The following FBXL8 variants were observed in gnomAD, a reference collection of about 807,000 sequenced individuals.
FBXL8 encodes F-box and leucine rich repeat protein 8.
In FBXL8, 13 loss-of-function variants were observed where a neutral mutation model predicts 8.2. The observed-to-expected ratio is 1.58, with a 90% CI of 1.03 to 2.51. FBXL8 has a LOEUF of 2.51. FBXL8 is among the 30% of genes most tolerant of loss of function. The probability of loss-of-function intolerance (pLI) is 0.00; values close to 1 mark genes in which losing one functional copy is unlikely to be tolerated. For synonymous variants in FBXL8, 271 were observed against 260.5 expected, an observed-to-expected ratio of 1.04 and a Z score of -0.39; for missense variants, 565 against 540.4, an observed-to-expected ratio of 1.05 and a Z score of -0.45.
rs774618366 is a variant in FBXL8, at chr16:67,163,789, C to T, written c.1094C>T (p.Pro365Leu). ...RTYTLKLTREPHPWRPTLVA is the reference protein window; with the variant it reads ...RTYTLKLTRELHPWRPTLVA ...TATACCCTCAAGCTCACGCGCGAGC[C>T]GCATCCCTGGAGGCCTACGCTCGTG... The change falls in exon 3 of 3, where the codon CCG (proline) becomes CTG (leucine). Residue 365 changes from proline (P) to leucine (L), a missense_variant. By Grantham distance (98) the Pro-to-Leu change is moderately conservative. Coordinates refer to ENST00000258200, the MANE Select transcript of FBXL8 (RefSeq NM_018378.3). 2.6e-6 allele frequency: 4 copies of T among 1,567,380 alleles called. No homozygotes were observed. Among genetic ancestry groups the T allele is most frequent in the Middle Eastern group, 1.7e-4 (1 of 5,854 alleles).
rs2031029942 is a variant in FBXL8 at position 67,163,679 on chromosome 16, G to A, written c.984G>A (p.Ala328=). 1.3e-6 allele frequency: 2 copies of A among 1,581,274 alleles called. No homozygotes were observed. Among genetic ancestry groups the A allele is most frequent in the South Asian group, 2.2e-5 (2 of 89,102 alleles). Residue 328 remains alanine, a synonymous_variant, in exon 3 of 3, where the codon GCG becomes GCA. Transcript: ENST00000258200. Reference sequence around the variant, plus strand: ...TGGAGGAGCTGGCGGCGCGCTGCGCGGCCCTGCGCGAGGTGCATTGTTTCT... The same window carrying A: ...TGGAGGAGCTGGCGGCGCGCTGCGCAGCCCTGCGCGAGGTGCATTGTTTCT... ...AALEELAARC[A]ALREVHCFCV...
Position 67,163,165 on chromosome 16 carries a change from C to T in FBXL8, c.470C>T (p.Ala157Val). Residue 157 changes from alanine (A) to valine (V), a missense_variant, in exon 3 of 3, where the codon GCG becomes GTG. Coordinates refer to ENST00000258200, the MANE Select transcript of FBXL8 (RefSeq NM_018378.3). ...CTGGACGACGCGCTGGTGCTGCAGG[C>T]GGCGCGCAGCTGTCCCGAGCTCCAC... ...FTLDDALVLQ[A>V]ARSCPELHSL... 6.4e-7 allele frequency: 1 copy of T among 1,563,522 alleles called. No homozygotes were observed.
At position 67,163,863 on chromosome 16, in the gene FBXL8, TGA is replaced by T; in HGVS notation, c.*47_*48del. ...CCCGTCCCCGTGGACGTAAGCGCTCTGAGAGGGAACGGGGGGGGTGTCCAGGC... is the reference window on the plus strand; with the variant it reads ...CCCGTCCCCGTGGACGTAAGCGCTCTGAGGGAACGGGGGGGGTGTCCAGGC... On this transcript the variant is annotated 3_prime_UTR_variant, in exon 3 of 3. Coordinates refer to ENST00000258200, the MANE Select transcript of FBXL8 (RefSeq NM_018378.3). 7.0e-7 allele frequency: 1 copy of T among 1,429,542 alleles called. No individual in the cohort carries two copies. Among genetic ancestry groups the T allele is most frequent in the Non-Finnish European group, 9.0e-7 (1 of 1,106,006 alleles). The allele number at this position is 1,429,542 out of a possible 1,614,324, so 88.6% of individuals were successfully genotyped here. A position where few individuals can be genotyped will look rare whatever the true frequency, so the allele number is the denominator to read the frequency against.
chr16:67,163,303 T>A lies in FBXL8; in HGVS notation c.608T>A (p.Leu203Ter), dbSNP rs1435556857. The A allele has an allele frequency of 1.3e-6, 2 of 1,576,406 alleles. No individual in the cohort carries two copies. Among genetic ancestry groups the A allele is most frequent in the Non-Finnish European group, 1.7e-6 (2 of 1,163,582 alleles). ...GCTCTCGGCCTGCACCTAGCCAGTT[T>A]GTCGCACGCCATCCTCGAAGCACTG... is the stretch of plus-strand genomic sequence containing the variant. ...LRALGLHLAS[L>*]SHAILEALAA... Residue 203 changes from leucine to a stop codon, truncating the protein, a stop_gained, in exon 3 of 3, where the codon TTG (leucine) becomes TAG (stop). Coordinates refer to ENST00000258200, the MANE Select transcript of FBXL8 (RefSeq NM_018378.3). LOFTEE classifies it low-confidence loss of function (END_TRUNC).
Position 67,163,025 on chromosome 16 carries a change from C to T in FBXL8, c.330C>T (p.Cys110=). The stretch of plus-strand genomic sequence containing the variant: ...GGCTGCGAGGCCTGCGCCTGGAGTG[C>T]CGCGGAGAAAAACCGCTCTTCGACG... ...APGLRGLRLE[C]RGEKPLFDAG... Residue 110 remains cysteine, a synonymous_variant, in exon 3 of 3, where the codon TGC becomes TGT. Transcript: ENST00000258200. 6.4e-7 allele frequency: 1 copy of T among 1,558,002 alleles called. No individual in the cohort carries two copies. Among genetic ancestry groups the T allele is most frequent in the Non-Finnish European group, 8.7e-7 (1 of 1,150,878 alleles).
rs1260641381 is a variant in FBXL8, at chr16:67,162,966, G to T, written c.271G>T (p.Glu91Ter). 1 of 1,561,504 alleles carries T rather than the reference G, an allele frequency of 6.4e-7. No homozygotes were observed. Among genetic ancestry groups the T allele is most frequent in the Non-Finnish European group, 8.7e-7 (1 of 1,152,702 alleles). Residue 91 changes from glutamate (E) to a stop codon, truncating the protein, a stop_gained, in exon 3 of 3, where the codon GAG (glutamate) becomes TAG (stop). Transcript: ENST00000258200. LOFTEE classifies it low-confidence loss of function (END_TRUNC). ...GAAGCCGAGCCGCCGGGCGGCCATCGAGCTGCTGATGGTTCTGGCGGGCCG... is the reference window on the plus strand; with the variant it reads ...GAAGCCGAGCCGCCGGGCGGCCATCTAGCTGCTGATGGTTCTGGCGGGCCG... Reference protein sequence around the residue: ...SRKPSRRAAIELLMVLAGRAP... With the variant: ...SRKPSRRAAI
rs932651101 is a variant in FBXL8 at position 67,161,943 on chromosome 16, C to T, written c.152+6C>T. ...TGGCACGACACAAAAATCAGGTGAG[C>T]CTGCTCCTCCACACTCCTCTCCCCA... On this transcript the variant is annotated splice_donor_region_variant and intron_variant, in intron 2 of 2. Coordinates refer to ENST00000258200, the MANE Select transcript of FBXL8 (RefSeq NM_018378.3). 7 of 1,600,078 alleles carry T rather than the reference C, an allele frequency of 4.4e-6. No homozygotes were observed. In the South Asian group the frequency reaches 7.8e-5, roughly 18 times the overall value.
chr16:67,162,622 C>A (rs1332142110), intron 2 of FBXL8: 3 of 721,926 alleles, frequency 4.2e-6, no homozygotes, highest in East Asian at 5.4e-5. Flanking sequence ...ATATCATTGG[C>A]TCTCCATGTC....
Position 67,163,920 on chromosome 16 carries a change from G to A in FBXL8, c.*100G>A, listed in dbSNP as rs2031050809. On this transcript the variant is annotated 3_prime_UTR_variant, in exon 3 of 3. Coordinates refer to ENST00000258200, the MANE Select transcript of FBXL8 (RefSeq NM_018378.3). Reference sequence around the variant, plus strand: ...CCCGAGTGCTAGTGCCTTCTTTTGGGATTGTTGCCCCCCGGGTCTTTACCG... The same window carrying A: ...CCCGAGTGCTAGTGCCTTCTTTTGGAATTGTTGCCCCCCGGGTCTTTACCG... The A allele has an allele frequency of 3.3e-6, 5 of 1,498,710 alleles. No homozygotes were observed. Among genetic ancestry groups the A allele is most frequent in the African/African-American group, 1.4e-5 (1 of 71,818 alleles). 92.8% of individuals were successfully genotyped at this position (1,498,710 alleles called of 1,614,324 possible).
At position 67,163,573 on chromosome 16, in the gene FBXL8, G is replaced by A; in HGVS notation, c.878G>A (p.Arg293His). 4 of 1,580,824 alleles carry A rather than the reference G, an allele frequency of 2.5e-6. No homozygotes were observed. Among genetic ancestry groups the A allele is most frequent in the East Asian group, 2.3e-5 (1 of 43,118 alleles). The stretch of plus-strand genomic sequence containing the variant: ...TCAGGCGACACCGTAGGCCCAGTGC[G>A]CTTCGCAGCACACCACTACGCCGCA... Reference protein sequence around the residue: ...NLSGDTVGPVRFAAHHYAATL... With the variant: ...NLSGDTVGPVHFAAHHYAATL... The change falls in exon 3 of 3, where the codon CGC (arginine) becomes CAC (histidine). Residue 293 changes from arginine to histidine, a missense_variant. Arg to His is a conservative substitution (Grantham distance 29). Transcript: ENST00000258200.
Position 67,163,741 on chromosome 16 carries a change from C to T in FBXL8, c.1046C>T (p.Ala349Val), listed in dbSNP as rs752690771. 1 of 1,592,016 alleles carries T rather than the reference C, an allele frequency of 6.3e-7. No individual in the cohort carries two copies. The highest frequency in any genetic ancestry group is 1.4e-5 in the African/African-American group (1 of 73,918). Residue 349 changes from alanine (A) to valine (V), a missense_variant, in exon 3 of 3, where the codon GCG becomes GTG. Physicochemically the swap from Ala to Val is moderately conservative, Grantham distance 64. Coordinates refer to ENST00000258200, the MANE Select transcript of FBXL8 (RefSeq NM_018378.3). ...VSHSVLDAFR[A>V]HCPRLRTYTL... is the part of the protein sequence containing the mutation. ...CACTCGGTGCTGGACGCCTTCCGCG[C>T]GCACTGCCCGCGCCTGCGCACCTAT... is the stretch of plus-strand genomic sequence containing the variant.
Position 67,161,841 on chromosome 16 carries a change from ACCTGTC to A in FBXL8, c.61_66del (p.Ser21_Leu22del). On this transcript the variant is annotated inframe_deletion, in exon 2 of 3. Coordinates refer to ENST00000258200, the MANE Select transcript of FBXL8 (RefSeq NM_018378.3). ...GAGGTGCTGGCACTCATCTTCCGCC[ACCTGTC>A]CCTGAGAGACCGTGCTGCCGCCGCC... 6.2e-7 allele frequency: 1 copy of A among 1,610,612 alleles called. No homozygotes were observed. Among genetic ancestry groups the A allele is most frequent in the Non-Finnish European group, 8.5e-7 (1 of 1,178,758 alleles).
rs369662631 is a variant in FBXL8, at chr16:67,163,274, G to A, written c.579G>A (p.Leu193=). 3.8e-6 allele frequency: 6 copies of A among 1,570,592 alleles called. No individual in the cohort carries two copies. The East Asian group carries it at 1.4e-4, about 37-fold the overall frequency. ...AGCTACTGGAGGCCTGCCCGCGCCT[G>A]CGCGCTCTCGGCCTGCACCTAGCCA... is the stretch of plus-strand genomic sequence containing the variant. ...VLELLEACPR[L]RALGLHLASL... is the part of the protein sequence containing the mutation. The change falls in exon 3 of 3, where the codon CTG becomes CTA. Residue 193 remains leucine, a synonymous_variant. Transcript: ENST00000258200.
chr16:67,164,100 C>T lies in FBXL8; in HGVS notation c.*280C>T, dbSNP rs1459145609. On this transcript the variant is annotated 3_prime_UTR_variant, in exon 3 of 3. Transcript: ENST00000258200. ...TGCGGACTCTGCAGCTCCGCGGCCC[C>T]GGCGCAGGGAGAGGGAGGGCACGGG... 4.4e-6 allele frequency: 3 copies of T among 680,712 alleles called. No individual in the cohort carries two copies. Among genetic ancestry groups the T allele is most frequent in the South Asian group, 1.5e-5 (1 of 66,440 alleles). 42.2% of individuals were successfully genotyped at this position (680,712 alleles called of 1,614,324 possible).
At position 67,163,617 on chromosome 16, in the gene FBXL8, G is replaced by A. The variant is rs2031023555; in HGVS notation, c.922G>A (p.Val308Met). 1 of 1,567,670 alleles carries A rather than the reference G, an allele frequency of 6.4e-7. No individual in the cohort carries two copies. The highest frequency in any genetic ancestry group is 1.1e-5 in the South Asian group (1 of 87,124). ...HYAATLCALEVRAAASAELNA... is the reference protein window; with the variant it reads ...HYAATLCALEMRAAASAELNA... Reference sequence around the variant, plus strand: ...CGCCGCAACCCTGTGCGCGCTCGAGGTGCGCGCAGCCGCTTCGGCCGAGCT... The same window carrying A: ...CGCCGCAACCCTGTGCGCGCTCGAGATGCGCGCAGCCGCTTCGGCCGAGCT... Residue 308 changes from valine (V) to methionine (M), a missense_variant, in exon 3 of 3, where the codon GTG becomes ATG. Transcript: ENST00000258200.
Position 67,163,742 on chromosome 16 carries a change from G to T in FBXL8, c.1047G>T (p.Ala349=), listed in dbSNP as rs536230683. 2.4e-5 allele frequency: 39 copies of T among 1,595,270 alleles called. No individual in the cohort carries two copies. In the South Asian group the frequency reaches 3.3e-4, roughly 14 times the overall value. The change falls in exon 3 of 3, where the codon GCG becomes GCT. Residue 349 remains alanine, a synonymous_variant. Transcript: ENST00000258200. ...ACTCGGTGCTGGACGCCTTCCGCGC[G>T]CACTGCCCGCGCCTGCGCACCTATA... The part of the protein sequence containing the change: ...VSHSVLDAFR[A]HCPRLRTYTL...
At position 67,163,383 on chromosome 16, in the gene FBXL8, G is replaced by C; in HGVS notation, c.688G>C (p.Glu230Gln). 1 of 1,541,840 alleles carries C rather than the reference G, an allele frequency of 6.5e-7. No homozygotes were observed. Among genetic ancestry groups the C allele is most frequent in the Non-Finnish European group, 8.7e-7 (1 of 1,148,938 alleles). The change falls in exon 3 of 3, where the codon GAA (glutamate) becomes CAA (glutamine). Residue 230 changes from glutamate (E) to glutamine (Q), a missense_variant. Glu to Gln is a conservative substitution (Grantham distance 29). Transcript: ENST00000258200. ...ALLALRCACP[E>Q]DARASPLPNE... Reference sequence around the variant, plus strand: ...CTTGGCTCTGCGGTGCGCGTGCCCCGAAGATGCACGCGCGTCCCCGCTGCC... The same window carrying C: ...CTTGGCTCTGCGGTGCGCGTGCCCCCAAGATGCACGCGCGTCCCCGCTGCC...
At chr16:67,162,434 T>C (rs2030946053) in intron 2 of FBXL8, 4 of 604,150 alleles carry the variant, frequency 6.6e-6, no homozygotes, top group South Asian at 2.0e-5. Flanking sequence ...GAAAACCTTG[T>C]GTGGTAGATA....
chr16:67,163,448 G>T lies in FBXL8; in HGVS notation c.753G>T (p.Gly251=). ...AWVALRRRHP[G]LAVELELEPA... is the part of the protein sequence containing the mutation. ...TCGCGTTGCGCCGCCGCCACCCTGG[G>T]CTGGCAGTGGAGCTGGAGCTGGAGC... Residue 251 remains glycine, a synonymous_variant, in exon 3 of 3, where the codon GGG becomes GGT. Transcript: ENST00000258200. The T allele has an allele frequency of 6.5e-7, 1 of 1,536,212 alleles. No individual in the cohort carries two copies. The highest frequency in any genetic ancestry group is 1.4e-5 in the African/African-American group (1 of 72,954).
Sources: allele counts gnomAD v4.1 joint callset, GRCh38; gene constraint gnomAD v4.1.1; transcripts MANE v1.5; gene names NCBI Gene and HGNC (gene_info 2026-07-23, HGNC 2026-07-21).